DNAAF9: variants seen among roughly 807,000 people sequenced by gnomAD.
DNAAF9 encodes shulin.
Under a neutral mutation model 167.0 loss-of-function variants are expected in DNAAF9, and 90 were observed. The observed-to-expected ratio is 0.54, with a 90% CI of 0.45 to 0.64. The LOEUF is 0.64. Ranked by LOEUF, DNAAF9 falls within the 30% of genes least tolerant of loss-of-function variation. DNAAF9 has a pLI of 0.00. For missense variants in DNAAF9, 1,315 were observed against 1,442.2 expected (o/e 0.91, Z 1.43); for synonymous variants, 491 against 508.8 (o/e 0.96, Z 0.47).
chr20:3,271,347 T>G (rs1375101150), intron 29 of DNAAF9, among the ~76,000 whole-genome samples: 1 of 152,130 alleles, frequency 6.6e-6, no homozygotes, highest in Non-Finnish European at 1.5e-5. Context: ...AGATAAATGC[T>G]AACAGATTTT....
At chr20:3,324,746 A>C in intron 14 of DNAAF9, 146 bp downstream of exon 14, 1 of 622,894 alleles carries the variant, frequency 1.6e-6, no homozygotes, top group Non-Finnish European at 2.8e-6. Flanking sequence ...GTGAAGGCTG[A>C]ATCATGAATG....
intron 8 of DNAAF9, among the ~76,000 whole-genome samples, chr20:3,347,621 TGGA>T: frequency 6.6e-6 from 1 of 152,206 alleles, no homozygotes; most frequent in East Asian, 1.9e-4. Context: ...CATTGTATTG[TGGA>T]GTTTATAAAA....
chr20:3,280,389 C>A (rs947792261), intron 28 of DNAAF9, among the ~76,000 whole-genome samples: 1 of 151,864 alleles, frequency 6.6e-6, no homozygotes, highest in Non-Finnish European at 1.5e-5. Flanking sequence ...ACAGAGAAAC[C>A]CCGTCTCTAC....
chr20:3,389,197 G>A (rs976393831), intron 1 of DNAAF9, among the ~76,000 whole-genome samples: 3 of 152,078 alleles, frequency 2.0e-5, no homozygotes, highest in Non-Finnish European at 4.4e-5. Context: ...TCAAGCTGGA[G>A]TGCAGTTGCT....
intron 14 of DNAAF9, among the ~76,000 whole-genome samples, chr20:3,323,454 G>C (rs1165441906): frequency 1.1e-4 from 17 of 151,678 alleles, no homozygotes; most frequent in Admixed American, 1.1e-3. Flanking sequence ...GCTAATTTTT[G>C]CATTTTTAAT....
intron 4 of DNAAF9, among the ~76,000 whole-genome samples, chr20:3,375,380 C>A (rs547422710): frequency 7.9e-5 from 12 of 152,188 alleles, no homozygotes; most frequent in East Asian, 5.8e-4. Context: ...ACTTTTCCCC[C>A]AAAAAATTCC....
chr20:3,347,491 A>G (rs573806999), intron 8 of DNAAF9, among the ~76,000 whole-genome samples: 4 of 152,380 alleles, frequency 2.6e-5, no homozygotes, highest in African/African-American at 7.2e-5. Flanking sequence ...ATGGGCAAAT[A>G]TATTACACTT....
At chr20:3,271,702 G>A (rs1922990) in intron 29 of DNAAF9, among the ~76,000 whole-genome samples, 37,660 of 150,510 alleles carry the variant, frequency 0.25, 5,278 homozygotes, top group African/African-American at 0.37. Context: ...GCTCACTACA[G>A]TCTCCACCTC....
intron 27 of DNAAF9, among the ~76,000 whole-genome samples, chr20:3,283,571 G>A (rs1009074143): frequency 6.6e-6 from 1 of 152,234 alleles, no homozygotes; most frequent in African/African-American, 2.4e-5. Flanking sequence ...GGGCCTGGAT[G>A]CCAGGAGAGT....
intron 22 of DNAAF9, among the ~76,000 whole-genome samples, chr20:3,297,654 C>A (rs879730127): frequency 6.6e-6 from 1 of 152,110 alleles, no homozygotes; most frequent in Non-Finnish European, 1.5e-5. Context: ...TGGTACCATT[C>A]GCAAGGGCAG....
At chr20:3,265,454 C>A (rs2068471697) in intron 30 of DNAAF9, among the ~76,000 whole-genome samples, 2 of 150,750 alleles carry the variant, frequency 1.3e-5, no homozygotes, top group South Asian at 4.2e-4. Context: ...GTAGTCCCAG[C>A]TACTTAGGAG....
At chr20:3,367,176 A>G (rs760020794) in intron 6 of DNAAF9, among the ~76,000 whole-genome samples, 1 of 152,194 alleles carries the variant, frequency 6.6e-6, no homozygotes, top group Non-Finnish European at 1.5e-5. Context: ...AACCTCTGCT[A>G]GCTTTAAACT....
At chr20:3,368,800 G>A (rs2083468023) in intron 6 of DNAAF9, among the ~76,000 whole-genome samples, 2 of 151,612 alleles carry the variant, frequency 1.3e-5, no homozygotes. Context: ...TTACAGGCAT[G>A]AGCCACTGCG....
chr20:3,283,305 T>C (rs1000344127), intron 27 of DNAAF9, among the ~76,000 whole-genome samples: 7 of 152,136 alleles, frequency 4.6e-5, no homozygotes, highest in Non-Finnish European at 7.3e-5. Context: ...TGTTCTTGAG[T>C]TCCTACGAAC....
chr20:3,324,749 C>T lies in DNAAF9; in HGVS notation c.1265+143G>A, dbSNP rs534877995. On this transcript the variant is annotated intron_variant, in intron 14 of 36. Transcript: ENST00000252032. Reference sequence around the variant, plus strand: ...TTTGGCTTCTAAGTGAAGGCTGAATCATGAATGATTCTCCTTCACACATCC... The same window carrying T: ...TTTGGCTTCTAAGTGAAGGCTGAATTATGAATGATTCTCCTTCACACATCC... 6.4e-4 allele frequency: 400 copies of T among 626,160 alleles called. 9 individuals carry two copies. In the South Asian group the frequency reaches 7.9e-3, roughly 12 times the overall value. 38.8% of individuals were successfully genotyped at this position (626,160 alleles called of 1,614,324 possible).
intron 21 of DNAAF9, among the ~76,000 whole-genome samples, chr20:3,301,775 T>C (rs2069193722): frequency 6.6e-6 from 1 of 152,176 alleles, no homozygotes; most frequent in South Asian, 2.1e-4. Flanking sequence ...ATCTGTTAAG[T>C]AGCCTCATGT....
chr20:3,362,177 C>G (rs1455746847), intron 6 of DNAAF9: 1 of 1,430,706 alleles, frequency 7.0e-7, no homozygotes, highest in Non-Finnish European at 9.7e-7. Flanking sequence ...ATTATCATCC[C>G]TGTCCATCTT....
At chr20:3,319,571 T>C (rs2069578691) in intron 16 of DNAAF9, among the ~76,000 whole-genome samples, 1 of 152,110 alleles carries the variant, frequency 6.6e-6, no homozygotes, top group Non-Finnish European at 1.5e-5. Context: ...CCCTGAATAG[T>C]AGTGAGCGGT....
chr20:3,326,429 C>A (rs891960003), intron 12 of DNAAF9, 145 bp from the exon 13 acceptor site: 8 of 623,164 alleles, frequency 1.3e-5, no homozygotes, highest in East Asian at 2.8e-5. Context: ...ATTTCTAAAC[C>A]TTTTAAAAGT....
Sources: gnomAD v4.1 joint callset for allele counts (sites outside exome capture counted in the v4.1 genomes callset) on GRCh38, gnomAD v4.1.1 for gene constraint, MANE v1.5 for transcripts, NCBI Gene and HGNC (gene_info 2026-07-23, HGNC 2026-07-21) for gene names.